Variants in PPP1R2 observed in about 807,000 individuals in gnomAD.
PPP1R2 encodes protein phosphatase 1 regulatory inhibitor subunit 2.
PPP1R2 carries 16 observed loss-of-function variants against 29.9 expected under a neutral mutation model. The ratio of observed to expected loss-of-function variants is 0.53; its 90% confidence interval spans 0.36 to 0.81. PPP1R2 has a LOEUF of 0.81. PPP1R2 is among the 30% of genes least tolerant of loss of function. The pLI is 0.00. For synonymous variants in PPP1R2, 76 were observed against 91.5 expected (o/e 0.83, Z 0.96); for missense variants, 197 against 252.7 (o/e 0.78, Z 1.49).
Position 195,542,409 on chromosome 3 carries a change from AAG to A in PPP1R2, c.122+493_122+494del, listed in dbSNP as rs1248811413. 3.3e-5 allele frequency among the ~76,000 whole-genome samples: 5 copies of A among 152,182 alleles called. No homozygotes were observed. The East Asian group carries it at 9.6e-4, about 29-fold the overall frequency. On this transcript the variant is annotated intron_variant, in intron 1 of 5. Transcript: ENST00000618156. The stretch of plus-strand genomic sequence containing the variant: ...TCTCTGAACAGGAACAAAAACTAGA[AAG>A]CACCCAAAACTCTGGTTGCAGATGC...
intron 1 of PPP1R2, among the ~76,000 whole-genome samples, chr3:195,533,510 C>G (rs1471198391): frequency 6.6e-6 from 1 of 152,136 alleles, no homozygotes; most frequent in Non-Finnish European, 1.5e-5. Context: ...CCATGGGAGT[C>G]ATACAAAATG....
In PPP1R2 at chr3:195,543,252, C is replaced by CT; in HGVS notation, c.-228dup. ...GCGGCTACTCGCGCACCCTTAGCCA[C>CT]TGGCACTTGACCCGCGGCTCGCGGA... On this transcript the variant is annotated 5_prime_UTR_variant, in exon 1 of 6. Transcript: ENST00000618156. 2.1e-6 allele frequency: 1 copy of CT among 487,140 alleles called. No homozygotes were observed. Among genetic ancestry groups the CT allele is most frequent in the Non-Finnish European group, 3.5e-6 (1 of 288,532 alleles). The allele number at this position is 487,140 out of a possible 1,614,324, so 30.2% of individuals were successfully genotyped here.
intron 2 of PPP1R2, among the ~76,000 whole-genome samples, chr3:195,526,493 T>C (rs1718975611): frequency 6.6e-6 from 1 of 152,250 alleles, no homozygotes; most frequent in African/African-American, 2.4e-5. Flanking sequence ...TATCTCTGCA[T>C]GCACATAGCC....
intron 4 of PPP1R2, among the ~76,000 whole-genome samples, chr3:195,520,560 C>T (rs1228584800): frequency 6.6e-6 from 1 of 152,150 alleles, no homozygotes; most frequent in African/African-American, 2.4e-5. Context: ...TGCAGTGAGC[C>T]GCGACTATGC....
intron 5 of PPP1R2, among the ~76,000 whole-genome samples, chr3:195,518,062 A>G (rs1384555136): frequency 6.6e-6 from 1 of 152,224 alleles, no homozygotes; most frequent in Non-Finnish European, 1.5e-5. Flanking sequence ...ACTGAAAAGT[A>G]TGAAGTTTGT....
chr3:195,541,087 G>A (rs1332360497), intron 1 of PPP1R2, among the ~76,000 whole-genome samples: 2 of 152,210 alleles, frequency 1.3e-5, no homozygotes, highest in African/African-American at 2.4e-5. Flanking sequence ...CCTTTTAAGT[G>A]AATCTACCCT....
intron 1 of PPP1R2, among the ~76,000 whole-genome samples, chr3:195,534,302 T>C (rs1032829199): frequency 6.6e-6 from 1 of 152,078 alleles, no homozygotes; most frequent in Non-Finnish European, 1.5e-5. Context: ...TAATCCAGCC[T>C]GGGTGGCAAA....
At chr3:195,519,787 G>T (rs1007538878) in intron 4 of PPP1R2, 8 of 151,872 alleles carry the variant, frequency 5.3e-5, no homozygotes, top group African/African-American at 1.9e-4. Context: ...ATGGTGAAGT[G>T]ACTCCAAAAT....
intron 1 of PPP1R2, among the ~76,000 whole-genome samples, chr3:195,533,886 G>A (rs1304708158): frequency 2.0e-5 from 3 of 152,190 alleles, no homozygotes; most frequent in East Asian, 1.9e-4. Context: ...TCTAAAGTTG[G>A]AGAATTTAAT....
intron 2 of PPP1R2, among the ~76,000 whole-genome samples, chr3:195,525,184 C>A (rs1490027112): frequency 6.6e-6 from 1 of 152,044 alleles, no homozygotes; most frequent in Non-Finnish European, 1.5e-5. Context: ...TTGAAAATAG[C>A]CAGAGAAAAG....
intron 1 of PPP1R2, among the ~76,000 whole-genome samples, chr3:195,530,632 TC>T (rs66846942): frequency 0.046 from 7,064 of 152,192 alleles, 504 homozygotes; most frequent in East Asian, 0.38. Flanking sequence ...TTCATGCGCT[TC>T]CCCTGTCTCA....
chr3:195,524,000 A>G (rs2108941922), intron 3 of PPP1R2, among the ~76,000 whole-genome samples: 1 of 152,146 alleles, frequency 6.6e-6, no homozygotes, highest in Middle Eastern at 3.4e-3. Flanking sequence ...AGGTGGGAGC[A>G]CTAGTTAAAC....
chr3:195,529,969 A>G, intron 1 of PPP1R2, 68 bp from the exon 2 acceptor site: 1 of 1,098,092 alleles, frequency 9.1e-7, no homozygotes, highest in Non-Finnish European at 1.3e-6. Context: ...CAAAATTCAC[A>G]AATGTCCAAA....
chr3:195,529,719 G>T, intron 2 of PPP1R2, 75 bp downstream of exon 2: 1 of 1,034,108 alleles, frequency 9.7e-7, no homozygotes, highest in Non-Finnish European at 1.4e-6. Context: ...ATTCAAATAG[G>T]CTGTTATCCA....
In PPP1R2 at chr3:195,516,720, C is replaced by A. The variant is rs185451642; in HGVS notation, c.*176G>T. 5 of 590,504 alleles carry A rather than the reference C, an allele frequency of 8.5e-6. No homozygotes were observed. In the African/African-American group the frequency reaches 9.3e-5, roughly 11 times the overall value. 36.6% of individuals were successfully genotyped at this position (590,504 alleles called of 1,614,324 possible). ...GTACTAGGCACAAGAATATATATAT[C>A]GATTAGGCATTTTCAGTCTAATCAG... is the stretch of plus-strand genomic sequence containing the variant. On this transcript the variant is annotated 3_prime_UTR_variant, in exon 6 of 6. Transcript: ENST00000618156.
intron 1 of PPP1R2, among the ~76,000 whole-genome samples, chr3:195,541,876 C>T (rs1311190000): frequency 1.3e-5 from 2 of 152,128 alleles, no homozygotes; most frequent in African/African-American, 2.4e-5. Context: ...AACACAAATC[C>T]CTAAAATTTA....
intron 1 of PPP1R2, among the ~76,000 whole-genome samples, chr3:195,532,020 T>C (rs1719198192): frequency 6.6e-6 from 1 of 152,146 alleles, no homozygotes; most frequent in Admixed American, 6.6e-5. Context: ...ATTCATATTG[T>C]AGCATGTGTC....
Position 195,542,942 on chromosome 3 carries a change from C to T in PPP1R2, c.84G>A (p.Ser28=), listed in dbSNP as rs1719653643. ...KTSTTSSMVA[S]AEQPRGNVDE... ...CGACATTCCCGCGGGGCTGTTCGGCCGACGCCACCATAGAGGAAGTCGTAG... is the reference window on the plus strand; with the variant it reads ...CGACATTCCCGCGGGGCTGTTCGGCTGACGCCACCATAGAGGAAGTCGTAG... The change falls in exon 1 of 6, where the codon TCG becomes TCA. Residue 28 remains serine (S), a synonymous_variant. Transcript: ENST00000618156. 2 of 1,603,264 alleles carry T rather than the reference C, an allele frequency of 1.2e-6. No homozygotes were observed. Among genetic ancestry groups the T allele is most frequent in the African/African-American group, 2.7e-5 (2 of 74,734 alleles).
chr3:195,519,086 T>C lies in PPP1R2; in HGVS notation c.503A>G (p.Asp168Gly). Residue 168 changes from aspartate to glycine, a missense_variant, in exon 5 of 6, where the codon GAT (aspartate) becomes GGT (glycine). Coordinates refer to ENST00000618156, the MANE Select transcript of PPP1R2 (RefSeq NM_006241.8). ...RQLISKDLHD[D>G]DEDEEMLETA... ...CTCTAACATTTCTTCATCTTCATCA[T>C]CATCATGTAGGTCTTTTGAAATTAA... 6.2e-7 allele frequency: 1 copy of C among 1,609,528 alleles called. No individual in the cohort carries two copies. The highest frequency in any genetic ancestry group is 8.5e-7 in the Non-Finnish European group (1 of 1,175,992).
Sources: allele counts gnomAD v4.1 joint callset (sites outside exome capture counted in the v4.1 genomes callset), GRCh38; gene constraint gnomAD v4.1.1; transcripts MANE v1.5; gene names NCBI Gene and HGNC (gene_info 2026-07-23, HGNC 2026-07-21).